Variants in GPHN observed in about 807,000 individuals in gnomAD.
The protein encoded by GPHN is gephyrin.
Under a neutral mutation model 95.5 loss-of-function variants are expected in GPHN, and 17 were observed. That is an observed-to-expected ratio of 0.18 (90% CI 0.12 to 0.27). GPHN has a LOEUF of 0.27. GPHN is among the 10% of genes least tolerant of loss of function. The pLI is 1.00. For missense variants in GPHN, 660 were observed against 978.1 expected, an observed-to-expected ratio of 0.67 and a Z score of 4.34; for synonymous variants, 320 against 322.5, an observed-to-expected ratio of 0.99 and a Z score of 0.08.
the GPHN span, chr14:67,397,662 C>G: frequency 8.1e-6 from 13 of 1,608,626 alleles, no homozygotes; most frequent in East Asian, 2.9e-4. Flanking sequence ...CATCACTTAC[C>G]GGTCGGTTTT....
At chr14:67,169,670 T>A (rs898895626) in intron 21 of GPHN, among the ~76,000 whole-genome samples, 1 of 152,274 alleles carries the variant, frequency 6.6e-6, no homozygotes, top group Admixed American at 6.5e-5. Flanking sequence ...ATGAATAATG[T>A]TCTTAGCAGT....
chr14:67,087,053 A>G (rs917868377), intron 11 of GPHN, among the ~76,000 whole-genome samples: 1 of 151,768 alleles, frequency 6.6e-6, no homozygotes, highest in Non-Finnish European at 1.5e-5. Flanking sequence ...AAAAAAAAAA[A>G]AAACTCTCTT....
At chr14:66,629,166 TAA>T (rs1411924468) in intron 1 of GPHN, among the ~76,000 whole-genome samples, 1 of 101,566 alleles carries the variant, frequency 9.8e-6, no homozygotes, top group Non-Finnish European at 1.8e-5. Context: ...AATATGTATA[TAA>T]ATATATATAT....
the GPHN span, chr14:67,340,546 T>G: frequency 6.4e-7 from 1 of 1,570,982 alleles, no homozygotes; most frequent in Non-Finnish European, 8.8e-7. Flanking sequence ...ATAATATGTG[T>G]GAGAACTTCA....
chr14:67,575,481 C>A, the GPHN span: 24 of 1,558,300 alleles, frequency 1.5e-5, no homozygotes, highest in African/African-American at 2.7e-4. Context: ...AGGTACTTCT[C>A]AGCCTCCTCA....
At chr14:67,647,004 C>T in the GPHN span, 1 of 1,611,418 alleles carries the variant, frequency 6.2e-7, no homozygotes, top group Non-Finnish European at 8.5e-7. Flanking sequence ...ATGGAACGAA[C>T]ATTTGATCTG....
intron 1 of GPHN, among the ~76,000 whole-genome samples, chr14:66,563,116 T>A (rs1032656099): frequency 6.6e-6 from 1 of 150,450 alleles, no homozygotes; most frequent in Non-Finnish European, 1.5e-5. Context: ...TATAAATATA[T>A]AATCTATGAA....
the GPHN span, among the ~76,000 whole-genome samples, chr14:67,375,230 TTCTGTGTGTGTGTGTG>T: frequency 7.5e-6 from 1 of 132,694 alleles, no homozygotes; most frequent in African/African-American, 2.9e-5. Flanking sequence ...ACATCCTCAG[TTCTGTGTGTGTGTGTG>T]TGTGTGTGTG....
At chr14:67,527,653 T>C in the GPHN span, among the ~76,000 whole-genome samples, 2 of 152,190 alleles carry the variant, frequency 1.3e-5, no homozygotes, top group Admixed American at 6.5e-5. Context: ...AAACCAACAA[T>C]GTGTTTTGTA....
chr14:67,528,372 C>T, the GPHN span, among the ~76,000 whole-genome samples: 1 of 152,158 alleles, frequency 6.6e-6, no homozygotes, highest in Non-Finnish European at 1.5e-5. Flanking sequence ...GTTTCCTTGG[C>T]TTCTTGGAGC....
chr14:67,363,958 G>C, the GPHN span: 1 of 152,180 alleles, frequency 6.6e-6, no homozygotes, highest in Non-Finnish European at 1.5e-5. Context: ...CAGGCTTGTG[G>C]ATCATAAAAG....
rs144498281 is a variant in GPHN, at chr14:67,017,438, C to T, written c.964-6195C>T. 1.4e-3 allele frequency among the ~76,000 whole-genome samples: 206 copies of T among 152,158 alleles called. 1 individual carries two copies. Among genetic ancestry groups the T allele is most frequent in the Middle Eastern group, 6.8e-3 (2 of 294 alleles). On this transcript the variant is annotated intron_variant, in intron 9 of 22. Transcript: ENST00000478722. ...TAAAGAGGCAAGTAATCTGAGTAAA[C>T]GGGTCCCTTTTTCTCCTTCCTCTTA...
At chr14:66,880,995 A>C (rs1335950036) in intron 5 of GPHN, among the ~76,000 whole-genome samples, 1 of 151,984 alleles carries the variant, frequency 6.6e-6, no homozygotes, top group Non-Finnish European at 1.5e-5. Context: ...AGGGTTTCAT[A>C]ATTTATAGCC....
At chr14:66,847,538 T>G (rs1201252562) in intron 4 of GPHN, among the ~76,000 whole-genome samples, 1 of 152,030 alleles carries the variant, frequency 6.6e-6, no homozygotes, top group Non-Finnish European at 1.5e-5. Context: ...AGGCAAAAGG[T>G]CTATCTCATT....
the GPHN span, among the ~76,000 whole-genome samples, chr14:67,331,030 T>TG: frequency 6.6e-6 from 1 of 152,006 alleles, no homozygotes; most frequent in Admixed American, 6.6e-5. Flanking sequence ...CTACTTAAGT[T>TG]TTTTTCTCCT....
At chr14:66,803,952 A>G (rs1223698475) in intron 3 of GPHN, among the ~76,000 whole-genome samples, 1 of 151,798 alleles carries the variant, frequency 6.6e-6, no homozygotes. Flanking sequence ...CATATTAATC[A>G]TAGTTTACTT....
intron 4 of GPHN, among the ~76,000 whole-genome samples, chr14:66,857,166 A>G (rs1234650012): frequency 2.0e-5 from 3 of 152,158 alleles, no homozygotes; most frequent in African/African-American, 4.8e-5. Flanking sequence ...TAGAGAGATT[A>G]TATGATGGAA....
the GPHN span, among the ~76,000 whole-genome samples, chr14:67,498,166 T>C: frequency 3.3e-5 from 5 of 152,286 alleles, no homozygotes; most frequent in Non-Finnish European, 4.4e-5. Context: ...TTAATCTCTG[T>C]TCCCGATCCA....
At chr14:66,800,008 C>T (rs560255987) in intron 3 of GPHN, among the ~76,000 whole-genome samples, 122 of 152,022 alleles carry the variant, frequency 8.0e-4, no homozygotes, top group Non-Finnish European at 1.3e-3. Flanking sequence ...CAAATACTAT[C>T]TTATAACATA....
Sources: allele counts gnomAD v4.1 joint callset (sites outside exome capture counted in the v4.1 genomes callset), GRCh38; gene constraint gnomAD v4.1.1; transcripts MANE v1.5; gene names NCBI Gene and HGNC (gene_info 2026-07-23, HGNC 2026-07-21).